PARD3B: variants seen among roughly 807,000 people sequenced by gnomAD.
PARD3B encodes partitioning defective 3 homolog B.
In PARD3B, 103 loss-of-function variants were observed where a neutral mutation model predicts 130.2. The observed-to-expected ratio is 0.79, with a 90% confidence interval of 0.67 to 0.93. The LOEUF (loss-of-function observed/expected upper bound fraction) is 0.93, where lower values mean the gene tolerates loss of function less well. PARD3B is among the 40% of genes least tolerant of loss of function. The pLI is 0.00. For missense variants in PARD3B, 1,609 were observed against 1,499.2 expected (o/e 1.07, Z -1.21); for synonymous variants, 583 against 553.2 (o/e 1.05, Z -0.76).
At chr2:205,358,702 G>A (rs137883895) in intron 18 of PARD3B, among the ~76,000 whole-genome samples, 81 of 152,152 alleles carry the variant, frequency 5.3e-4, no homozygotes, top group African/African-American at 1.7e-3. Flanking sequence ...TCTTGCATTC[G>A]TTTTAGACGG....
At chr2:205,611,750 T>C (rs2055238447) in intron 22 of PARD3B, among the ~76,000 whole-genome samples, 2 of 152,258 alleles carry the variant, frequency 1.3e-5, no homozygotes, top group South Asian at 4.1e-4. Flanking sequence ...ATGGGCTTGT[T>C]TCTCTTTCCT....
chr2:204,702,579 AT>A (rs1217421448), intron 2 of PARD3B, among the ~76,000 whole-genome samples: 1 of 151,450 alleles, frequency 6.6e-6, no homozygotes, highest in African/African-American at 2.4e-5. Context: ...TTTTTATTTT[AT>A]TTTTTTCTTT....
rs186288675 is a variant in PARD3B at position 205,407,881 on chromosome 2, A to G, written c.2741+6758A>G. Among the ~76,000 whole-genome samples, 16 of 152,270 alleles carry G rather than the reference A, an allele frequency of 1.1e-4. No homozygotes were observed. In the East Asian group the frequency reaches 2.5e-3, roughly 24 times the overall value. ...TTACTCTTATACCATATCAGAGTTT[A>G]TTTTGCAGGAAGCTCATTTGTTGTA... On this transcript the variant is annotated intron_variant, in intron 19 of 22. Coordinates refer to ENST00000406610, the MANE Select transcript of PARD3B (RefSeq NM_001302769.2). This position sits in a 1 kb window ranked among gnomAD's most constrained non-coding sequence, Gnocchi z 4.1.
intron 2 of PARD3B, among the ~76,000 whole-genome samples, chr2:204,917,634 C>A (rs1382366524): frequency 6.6e-6 from 1 of 152,050 alleles, no homozygotes; most frequent in Non-Finnish European, 1.5e-5. Flanking sequence ...AGTTCCATTT[C>A]TTTGTAATTT....
chr2:204,839,459 G>A (rs529679796), intron 2 of PARD3B, among the ~76,000 whole-genome samples: 2 of 152,086 alleles, frequency 1.3e-5, no homozygotes, highest in Non-Finnish European at 2.9e-5. Context: ...TTTCCATTTT[G>A]ATTTTAGAAA....
At chr2:205,468,320 T>C (rs973321765) in intron 20 of PARD3B, among the ~76,000 whole-genome samples, 1 of 152,226 alleles carries the variant, frequency 6.6e-6, no homozygotes, top group African/African-American at 2.4e-5. Context: ...TATTTCACTA[T>C]TGTAGCCAGG....
chr2:205,435,980 C>T (rs1234540120), intron 19 of PARD3B, among the ~76,000 whole-genome samples: 1 of 152,066 alleles, frequency 6.6e-6, no homozygotes, highest in African/African-American at 2.4e-5. Flanking sequence ...AATTTATTTT[C>T]TCATAGTTCA....
Position 205,446,887 on chromosome 2 carries a change from A to T in PARD3B, c.3044+6215A>T, listed in dbSNP as rs770549149. On this transcript the variant is annotated intron_variant, in intron 20 of 22. Transcript: ENST00000406610. The surrounding 1 kb of genome is among the most constrained non-coding windows in gnomAD (Gnocchi z 4.4). ...ATGAACATGAAAACTTTATGTCTGG[A>T]TGAGGACAAAACAGTTCCAAATAGG... 6.7e-4 allele frequency among the ~76,000 whole-genome samples: 102 copies of T among 152,310 alleles called. No individual in the cohort carries two copies. Among genetic ancestry groups the T allele is most frequent in the Middle Eastern group, 6.8e-3 (2 of 294 alleles).
At chr2:204,697,114 T>C (rs2125267144) in intron 2 of PARD3B, among the ~76,000 whole-genome samples, 1 of 152,232 alleles carries the variant, frequency 6.6e-6, no homozygotes, top group Non-Finnish European at 1.5e-5. Context: ...CTCATAGTTC[T>C]TAATTGATAA....
chr2:204,575,649 CCTCCTGGCTCT>C (rs2032219621), intron 1 of PARD3B, among the ~76,000 whole-genome samples: 3 of 152,226 alleles, frequency 2.0e-5, no homozygotes, highest in Non-Finnish European at 4.4e-5. Context: ...TGCCTGTTCT[CCTCCTGGCTCT>C]CTCTGGCTGT....
intron 13 of PARD3B, among the ~76,000 whole-genome samples, chr2:205,185,118 A>T (rs1185563598): frequency 6.6e-6 from 1 of 152,214 alleles, no homozygotes; most frequent in African/African-American, 2.4e-5. Flanking sequence ...GTCTATTCTT[A>T]TAGTACAGAA....
intron 13 of PARD3B, among the ~76,000 whole-genome samples, chr2:205,178,981 A>G (rs1350098711): frequency 6.6e-6 from 1 of 152,186 alleles, no homozygotes; most frequent in East Asian, 1.9e-4. Flanking sequence ...TTGTTACCAT[A>G]GGAAATGACA....
chr2:205,188,984 G>C (rs2125794853), intron 14 of PARD3B, among the ~76,000 whole-genome samples: 1 of 152,216 alleles, frequency 6.6e-6, no homozygotes, highest in South Asian at 2.1e-4. Context: ...TTACAGAAAA[G>C]TTTATAATAT....
chr2:205,489,746 A>G lies in PARD3B; in HGVS notation c.3045-10150A>G, dbSNP rs1046354957. On this transcript the variant is annotated intron_variant, in intron 20 of 22. Transcript: ENST00000406610. Reference sequence around the variant, plus strand: ...TAAGGCAGTTATTTGTTACTGGCTTATTATGGTGAACTGAAGCCATAAATA... The same window carrying G: ...TAAGGCAGTTATTTGTTACTGGCTTGTTATGGTGAACTGAAGCCATAAATA... Among the ~76,000 whole-genome samples, 12 of 152,204 alleles carry G rather than the reference A, an allele frequency of 7.9e-5. No individual in the cohort carries two copies. The South Asian group carries it at 1.9e-3, about 24-fold the overall frequency.
At chr2:205,357,027 A>G (rs1294869656) in intron 18 of PARD3B, among the ~76,000 whole-genome samples, 2 of 152,186 alleles carry the variant, frequency 1.3e-5, no homozygotes, top group African/African-American at 2.4e-5. Context: ...TAATAATTGT[A>G]TGACTGCTTT....
intron 2 of PARD3B, among the ~76,000 whole-genome samples, chr2:204,829,998 C>CAAAAA (rs745415671): frequency 2.1e-5 from 1 of 47,696 alleles, no homozygotes; most frequent in Non-Finnish European, 4.1e-5. Flanking sequence ...GACTCCGTCT[C>CAAAAA]AAAAAAAAAA....
intron 15 of PARD3B, among the ~76,000 whole-genome samples, chr2:205,221,519 G>A (rs559100829): frequency 6.6e-6 from 1 of 152,310 alleles, no homozygotes; most frequent in Non-Finnish European, 1.5e-5. Flanking sequence ...CAGTGAAAGG[G>A]AGATGTGGGT....
At chr2:205,099,601 G>T (rs1702613354) in intron 4 of PARD3B, among the ~76,000 whole-genome samples, 1 of 152,142 alleles carries the variant, frequency 6.6e-6, no homozygotes, top group South Asian at 2.1e-4. Flanking sequence ...TGGAAAAAAT[G>T]ATTTTATGTA....
At chr2:205,290,101 T>A (rs2041549649) in intron 16 of PARD3B, among the ~76,000 whole-genome samples, 1 of 152,170 alleles carries the variant, frequency 6.6e-6, no homozygotes, top group African/African-American at 2.4e-5. Context: ...AGAGATGCAA[T>A]TAATTAGCTG....
Sources: allele counts gnomAD v4.1 joint callset (sites outside exome capture counted in the v4.1 genomes callset), GRCh38; gene constraint gnomAD v4.1.1; non-coding constraint Gnocchi (gnomAD v3.1); transcripts MANE v1.5; gene names NCBI Gene and HGNC (gene_info 2026-07-23, HGNC 2026-07-21).